OR51B5: variants seen among roughly 807,000 people sequenced by gnomAD.
The protein encoded by OR51B5 is olfactory receptor family 51 subfamily B member 5.
For synonymous variants in OR51B5, 186 were observed against 144.8 expected (o/e 1.28, Z -2.04); for missense variants, 456 against 374.6 (o/e 1.22, Z -1.79).
chr11:5,380,396 G>T (rs1036794277), intron 1 of OR51B5, among the ~76,000 whole-genome samples: 7 of 152,146 alleles, frequency 4.6e-5, no homozygotes, highest in Non-Finnish European at 1.0e-4. Context: ...TCTCCAGTCT[G>T]AAAGACCCGC....
In OR51B5 at chr11:5,446,444, A is replaced by G. The variant is rs7118881; in HGVS notation, n.84+59125T>C. On this transcript the variant is annotated intron_variant and non_coding_transcript_variant, in intron 1 of 4. Transcript: ENST00000415970. ...TAAAATGTTGGGAAATTTTTAATGAAAAAAGGATGAAGCAAGACATAGTCT... is the reference window on the plus strand; with the variant it reads ...TAAAATGTTGGGAAATTTTTAATGAGAAAAGGATGAAGCAAGACATAGTCT... 4.9e-3 allele frequency among the ~76,000 whole-genome samples: 746 copies of G among 152,258 alleles called. 5 individuals are homozygous for G. Among genetic ancestry groups the G allele is most frequent in the African/African-American group, 0.017 (726 of 41,550 alleles).
intron 1 of OR51B5, among the ~76,000 whole-genome samples, chr11:5,448,766 AAAC>A (rs1389484328): frequency 6.6e-6 from 1 of 152,210 alleles, no homozygotes. Flanking sequence ...GAGAAGCCAA[AAAC>A]CAGAGTTAGC....
At chr11:5,410,705 G>A (rs1369665291) in intron 1 of OR51B5, among the ~76,000 whole-genome samples, 1 of 152,162 alleles carries the variant, frequency 6.6e-6, no homozygotes, top group Non-Finnish European at 1.5e-5. Flanking sequence ...ACAGCTTCAT[G>A]TATGTTATTG....
intron 1 of OR51B5, among the ~76,000 whole-genome samples, chr11:5,376,487 A>G (rs1296278828): frequency 6.6e-6 from 1 of 152,214 alleles, no homozygotes; most frequent in Non-Finnish European, 1.5e-5. Flanking sequence ...GGAAACAGAG[A>G]CACAAAAAAC....
In OR51B5 at chr11:5,399,649, G is replaced by C. The variant is rs143671691; in HGVS notation, n.85-52739C>G. On this transcript the variant is annotated intron_variant and non_coding_transcript_variant, in intron 1 of 4. Coordinates refer to the OR51B5 transcript ENST00000415970. ...CTTTTGTAACCTTTCAAGCTAAAATGCTCTTGTCAAACAAATCCTAAACTC... is the reference window on the plus strand; with the variant it reads ...CTTTTGTAACCTTTCAAGCTAAAATCCTCTTGTCAAACAAATCCTAAACTC... Among the ~76,000 whole-genome samples, 193 of 152,014 alleles carry C rather than the reference G, an allele frequency of 1.3e-3. 1 individual carries two copies. Among genetic ancestry groups the C allele is most frequent in the Non-Finnish European group, 1.6e-3 (107 of 68,002 alleles).
chr11:5,503,026 A>T (rs1211601140), intron 1 of OR51B5, among the ~76,000 whole-genome samples: 1 of 152,222 alleles, frequency 6.6e-6, no homozygotes, highest in Non-Finnish European at 1.5e-5. Context: ...TTACCAAGTT[A>T]AAAAGGTAGG....
intron 1 of OR51B5, among the ~76,000 whole-genome samples, chr11:5,379,954 T>G (rs1413868638): frequency 6.6e-6 from 1 of 151,506 alleles, no homozygotes; most frequent in Non-Finnish European, 1.5e-5. Flanking sequence ...ATCTTGGACT[T>G]TTAAGTCACC....
rs764961321 is a variant in OR51B5, at chr11:5,342,655, A to G, written c.870T>C (p.Tyr290=). 2.6e-5 allele frequency: 42 copies of G among 1,613,338 alleles called. No homozygotes were observed. In the South Asian group the frequency reaches 3.6e-4, roughly 14 times the overall value. Residue 290 remains tyrosine, a synonymous_variant, in exon 1 of 1, where the codon TAT becomes TAC. Transcript: ENST00000300773. The stretch of plus-strand genomic sequence containing the variant: ...TCTGAATCTGCTTGGTCTTGACACT[A>G]TATGTTATAGGATTCATTAGTGGAG...
chr11:5,503,608 T>C (rs1846330413), intron 1 of OR51B5, among the ~76,000 whole-genome samples: 2 of 152,228 alleles, frequency 1.3e-5, no homozygotes, highest in Admixed American at 1.3e-4. Context: ...GCCAATGGTA[T>C]CTTGCAATGT....
In OR51B5 at chr11:5,434,690, A is replaced by G. The variant is rs146147162; in HGVS notation, n.84+70879T>C. Among the ~76,000 whole-genome samples the G allele has an allele frequency of 4.4e-3, 671 of 152,306 alleles. 5 individuals are homozygous for G. The highest frequency in any genetic ancestry group is 0.016 in the African/African-American group (645 of 41,586). The stretch of plus-strand genomic sequence containing the variant: ...AGATTGGCAACGTCAAGGAGACCAT[A>G]GCTCAAAAGATTAACTCAATCTGTG... On this transcript the variant is annotated intron_variant and non_coding_transcript_variant, in intron 1 of 4. Coordinates refer to the OR51B5 transcript ENST00000415970.
At chr11:5,435,331 G>C (rs1467540952) in intron 1 of OR51B5, among the ~76,000 whole-genome samples, 1 of 152,192 alleles carries the variant, frequency 6.6e-6, no homozygotes, top group Non-Finnish European at 1.5e-5. Context: ...TGCAGACTCA[G>C]AGACATAATA....
chr11:5,485,862 A>G (rs766701814), intron 1 of OR51B5, among the ~76,000 whole-genome samples: 4 of 152,020 alleles, frequency 2.6e-5, no homozygotes, highest in Non-Finnish European at 5.9e-5. Flanking sequence ...GTCTTAATTA[A>G]CCCTCAGCAT....
upstream of OR51B5, among the ~76,000 whole-genome samples, chr11:5,343,886 G>A (rs138816244): frequency 1.2e-3 from 180 of 152,262 alleles, 1 homozygote; most frequent in African/African-American, 4.2e-3. Context: ...GCATTCAAGG[G>A]GATTTCCAGA....
At chr11:5,353,693 G>T (rs1203812958) in intron 1 of OR51B5, among the ~76,000 whole-genome samples, 1 of 152,154 alleles carries the variant, frequency 6.6e-6, no homozygotes, top group Non-Finnish European at 1.5e-5. Flanking sequence ...AAAATACAGG[G>T]TATGATGTGC....
chr11:5,348,722 A>G (rs1564914613), intron 1 of OR51B5, among the ~76,000 whole-genome samples: 1 of 152,028 alleles, frequency 6.6e-6, no homozygotes, highest in Non-Finnish European at 1.5e-5. Flanking sequence ...ACCCAGACGG[A>G]GGGTGGGTGG....
At chr11:5,373,002 G>C (rs11037070) in intron 1 of OR51B5, among the ~76,000 whole-genome samples, 23,805 of 152,096 alleles carry the variant, frequency 0.16, 2,190 homozygotes, top group Non-Finnish European at 0.21. Flanking sequence ...AGAATAAAGA[G>C]CCCAGAAATA....
chr11:5,501,414 G>A (rs1846290832), intron 1 of OR51B5, among the ~76,000 whole-genome samples: 1 of 148,110 alleles, frequency 6.8e-6, no homozygotes, highest in South Asian at 2.1e-4. Flanking sequence ...CCTGATGGGA[G>A]TAGCAAAAGT....
At chr11:5,375,015 C>G (rs1221536622) in intron 1 of OR51B5, among the ~76,000 whole-genome samples, 3 of 151,404 alleles carry the variant, frequency 2.0e-5, no homozygotes, top group Non-Finnish European at 2.9e-5. Flanking sequence ...AAGAGCAACT[C>G]CAAGACACAT....
chr11:5,365,758 G>A (rs1049442802), intron 1 of OR51B5, among the ~76,000 whole-genome samples: 2 of 152,122 alleles, frequency 1.3e-5, no homozygotes, highest in Non-Finnish European at 2.9e-5. Context: ...AGCTTTTGAG[G>A]GCAGATATTA....
Sources: allele counts gnomAD v4.1 joint callset (sites outside exome capture counted in the v4.1 genomes callset), GRCh38; gene constraint gnomAD v4.1.1; transcripts MANE v1.5; gene names NCBI Gene and HGNC (gene_info 2026-07-23, HGNC 2026-07-21).